The following LRRC4C variants were observed in gnomAD, a reference collection of about 807,000 sequenced individuals.
The protein encoded by LRRC4C is leucine rich repeat containing 4C.
Under a neutral mutation model 33.6 loss-of-function variants are expected in LRRC4C, and 5 were observed. The ratio of observed to expected loss-of-function variants is 0.15; its 90% CI spans 0.08 to 0.31. LRRC4C has a LOEUF of 0.31. Among genes scored for constraint, LRRC4C ranks in the 10% least tolerant of loss-of-function variants. LRRC4C has a pLI of 1.00. For missense variants in LRRC4C, 560 were observed against 796.7 expected, an observed-to-expected ratio of 0.70 and a Z score of 3.58; for synonymous variants, 329 against 302.0, an observed-to-expected ratio of 1.09 and a Z score of -0.93.
chr11:40,704,206 C>T (rs1946026263), intron 2 of LRRC4C, among the ~76,000 whole-genome samples: 1 of 152,106 alleles, frequency 6.6e-6, no homozygotes, highest in African/African-American at 2.4e-5. Context: ...AGGTTATATG[C>T]AAATACTACA....
At chr11:40,735,815 C>T (rs1460533993) in intron 2 of LRRC4C, among the ~76,000 whole-genome samples, 2 of 150,534 alleles carry the variant, frequency 1.3e-5, no homozygotes, top group African/African-American at 4.9e-5. Flanking sequence ...TCCTCTCCAG[C>T]ACCTGTTGTT....
At chr11:40,388,931 A>G (rs1476181317) in intron 3 of LRRC4C, among the ~76,000 whole-genome samples, 2 of 152,278 alleles carry the variant, frequency 1.3e-5, no homozygotes, top group African/African-American at 2.4e-5. Flanking sequence ...CAAGAGTTCA[A>G]TGTGTTTATT....
In LRRC4C at chr11:41,262,866, C is replaced by T. The variant is rs182923108; in HGVS notation, c.-496+196565G>A. 1.9e-3 allele frequency among the ~76,000 whole-genome samples: 287 copies of T among 152,220 alleles called. 1 individual carries two copies. Among genetic ancestry groups the T allele is most frequent in the Admixed American group, 4.2e-3 (64 of 15,284 alleles). Reference sequence around the variant, plus strand: ...ACAGAGCCCAACAGTCATTGCTTACCTGAGAATTTAAGTGTTTTCCTCGGG... The same window carrying T: ...ACAGAGCCCAACAGTCATTGCTTACTTGAGAATTTAAGTGTTTTCCTCGGG... On this transcript the variant is annotated intron_variant, in intron 1 of 6. Coordinates refer to ENST00000528697, the MANE Select transcript of LRRC4C (RefSeq NM_001258419.2).
At chr11:40,120,115 C>T (rs1855722310) in intron 6 of LRRC4C, among the ~76,000 whole-genome samples, 1 of 152,236 alleles carries the variant, frequency 6.6e-6, no homozygotes, top group Non-Finnish European at 1.5e-5. Flanking sequence ...TGCCCTGCCT[C>T]CTGGGAGCTG....
intron 2 of LRRC4C, among the ~76,000 whole-genome samples, chr11:40,737,056 T>G (rs1270391499): frequency 6.6e-6 from 1 of 152,124 alleles, no homozygotes; most frequent in Non-Finnish European, 1.5e-5. Flanking sequence ...GGTGTTTTAG[T>G]ACTAAAGTCT....
intron 1 of LRRC4C, among the ~76,000 whole-genome samples, chr11:41,213,091 A>T (rs1237337962): frequency 6.6e-6 from 1 of 152,230 alleles, no homozygotes; most frequent in Non-Finnish European, 1.5e-5. Flanking sequence ...TTTCTACAAT[A>T]GTGCTAGAAT....
chr11:40,242,784 C>CAA (rs5791365), intron 4 of LRRC4C, among the ~76,000 whole-genome samples: 157 of 149,690 alleles, frequency 1.0e-3, no homozygotes, highest in South Asian at 3.2e-3. Flanking sequence ...GTGTATCATC[C>CAA]AAAAAAAAAC....
intron 2 of LRRC4C, among the ~76,000 whole-genome samples, chr11:40,675,971 G>T (rs914505986): frequency 6.6e-6 from 1 of 152,120 alleles, no homozygotes; most frequent in Non-Finnish European, 1.5e-5. Context: ...GTGTTGCTAA[G>T]ATATAATTTG....
At chr11:40,861,476 C>T (rs1954098404) in intron 2 of LRRC4C, among the ~76,000 whole-genome samples, 1 of 152,078 alleles carries the variant, frequency 6.6e-6, no homozygotes, top group Non-Finnish European at 1.5e-5. Flanking sequence ...CAAAAACTTG[C>T]ATTATGGATG....
chr11:41,390,558 G>T (rs1439878351), intron 1 of LRRC4C, among the ~76,000 whole-genome samples: 1 of 151,762 alleles, frequency 6.6e-6, no homozygotes, highest in African/African-American at 2.4e-5. Flanking sequence ...CTTTCAGTTT[G>T]CTAATCCTTT....
At chr11:40,689,910 T>A (rs1945148109) in intron 2 of LRRC4C, among the ~76,000 whole-genome samples, 1 of 152,120 alleles carries the variant, frequency 6.6e-6, no homozygotes. Flanking sequence ...TTACCCATAG[T>A]TGCATTTGGA....
chr11:40,920,468 A>G (rs1957125241), intron 2 of LRRC4C, among the ~76,000 whole-genome samples: 1 of 152,180 alleles, frequency 6.6e-6, no homozygotes, highest in Admixed American at 6.6e-5. Context: ...TATCTTGGTT[A>G]CACACTCCCT....
At chr11:41,123,435 GC>G (rs1322594551) in intron 1 of LRRC4C, among the ~76,000 whole-genome samples, 1 of 150,184 alleles carries the variant, frequency 6.7e-6, no homozygotes, top group Non-Finnish European at 1.5e-5. Flanking sequence ...ACTACGCCCG[GC>G]TAATTTTTTG....
intron 3 of LRRC4C, among the ~76,000 whole-genome samples, chr11:40,564,458 A>G (rs533342079): frequency 6.6e-6 from 1 of 152,116 alleles, no homozygotes; most frequent in Non-Finnish European, 1.5e-5. Flanking sequence ...GAGCACCCAA[A>G]TTACCAAGAG....
intron 2 of LRRC4C, among the ~76,000 whole-genome samples, chr11:40,682,746 C>CAATAAATAAATAAATAAATAAATA (rs10523318): frequency 9.2e-5 from 13 of 141,664 alleles, no homozygotes; most frequent in African/African-American, 1.8e-4. Context: ...GACTCTGTCT[C>CAATAAATAAATAAATAAATAAATA]AATAAATAAA....
intron 1 of LRRC4C, among the ~76,000 whole-genome samples, chr11:41,216,673 G>T (rs955986276): frequency 6.6e-6 from 1 of 152,096 alleles, no homozygotes; most frequent in Non-Finnish European, 1.5e-5. Context: ...GTTAATTATG[G>T]AGTGCTGACA....
intron 3 of LRRC4C, among the ~76,000 whole-genome samples, chr11:40,455,022 A>G (rs1454626579): frequency 1.3e-5 from 2 of 152,130 alleles, no homozygotes; most frequent in African/African-American, 2.4e-5. Flanking sequence ...CCTTGGGCAT[A>G]CTATGCATGA....
chr11:40,742,810 T>C (rs946066360), intron 2 of LRRC4C, among the ~76,000 whole-genome samples: 1 of 152,112 alleles, frequency 6.6e-6, no homozygotes, highest in African/African-American at 2.4e-5. Context: ...TTTGAGCCTC[T>C]TTGTAATGAG....
Position 40,295,320 on chromosome 11 carries a change from C to CTA in LRRC4C, c.-176+24306_-176+24307dup, listed in dbSNP as rs3041080. ...ATTAGGAATGATAATTTAAACAGTA[C>CTA]TATATATATATATATGGAATAGATT... On this transcript the variant is annotated intron_variant, in intron 4 of 6. Transcript: ENST00000528697. 5.0e-3 allele frequency among the ~76,000 whole-genome samples: 751 copies of CTA among 149,906 alleles called. 2 individuals carry two copies. Among genetic ancestry groups the CTA allele is most frequent in the African/African-American group, 9.3e-3 (379 of 40,948 alleles).
Sources: allele counts gnomAD v4.1 joint callset (sites outside exome capture counted in the v4.1 genomes callset), GRCh38; gene constraint gnomAD v4.1.1; transcripts MANE v1.5; gene names NCBI Gene and HGNC (gene_info 2026-07-23, HGNC 2026-07-21).